AIF1L: variants seen among roughly 807,000 people sequenced by gnomAD.
AIF1L encodes the protein allograft inflammatory factor 1-like.
AIF1L carries 12 observed loss-of-function variants against 20.7 expected under a neutral mutation model. That is an observed-to-expected ratio of 0.58 (90% CI 0.37 to 0.94). The LOEUF (loss-of-function observed/expected upper bound fraction) is 0.94, where lower values mean the gene tolerates loss of function less well. Ranked by LOEUF, AIF1L falls within the 40% of genes least tolerant of loss-of-function variation. The probability of loss-of-function intolerance (pLI) is 0.01; values close to 1 mark genes in which losing one functional copy is unlikely to be tolerated. For missense variants in AIF1L, 173 were observed against 185.3 expected (o/e 0.93, Z 0.39); for synonymous variants, 76 against 65.1 (o/e 1.17, Z -0.81).
chr9:131,107,371 G>A (rs1429730513), intron 2 of AIF1L, among the ~76,000 whole-genome samples: 1 of 152,188 alleles, frequency 6.6e-6, no homozygotes, highest in Non-Finnish European at 1.5e-5. Context: ...CACCTACAGA[G>A]TGGCCCAAGT....
At chr9:131,096,913 C>T in intron 2 of AIF1L, 50 bp downstream of exon 2, 5 of 1,483,692 alleles carry the variant, frequency 3.4e-6, no homozygotes, top group Non-Finnish European at 3.6e-6. Context: ...GCGCGCTGCG[C>T]GGGTGCCACC....
At chr9:131,114,753 C>A (rs1830971650) in intron 4 of AIF1L, 135 bp downstream of exon 4, 2 of 1,134,820 alleles carry the variant, frequency 1.8e-6, no homozygotes, top group Non-Finnish European at 2.6e-6. Context: ...CAGCCCCAGC[C>A]CCTTGCCTTC....
intron 2 of AIF1L, among the ~76,000 whole-genome samples, chr9:131,104,664 G>T (rs1830705758): frequency 6.6e-6 from 1 of 152,196 alleles, no homozygotes. Context: ...AATAGTCTGT[G>T]AGGGTCTATG....
intron 4 of AIF1L, among the ~76,000 whole-genome samples, chr9:131,117,351 C>T (rs1044149769): frequency 6.6e-6 from 1 of 152,104 alleles, no homozygotes; most frequent in African/African-American, 2.4e-5. Context: ...ACCCAGCCCA[C>T]CCTAACTGCA....
chr9:131,121,315 T>C lies in AIF1L; in HGVS notation c.*993T>C, dbSNP rs1456512789. On this transcript the variant is annotated 3_prime_UTR_variant, in exon 6 of 6. Coordinates refer to ENST00000247291, the MANE Select transcript of AIF1L (RefSeq NM_031426.4). ...GACTCACTCATTCACCAGATATTTA[T>C]TGACCTGCTATTATAAGCTTTACAT... is the stretch of plus-strand genomic sequence containing the variant. The C allele has an allele frequency of 1.4e-5, 8 of 570,778 alleles. No homozygotes were observed. The highest frequency in any genetic ancestry group is 7.5e-5 in the African/African-American group (4 of 53,614). The allele number at this position is 570,778 out of a possible 1,614,324, so 35.4% of individuals were successfully genotyped here.
chr9:131,114,489 C>T lies in AIF1L; in HGVS notation c.161-88C>T, dbSNP rs539373272. The T allele has an allele frequency of 3.5e-4, 511 of 1,467,180 alleles. 4 individuals carry two copies. In the South Asian group the frequency reaches 4.9e-3, roughly 14 times the overall value. 90.9% of individuals were successfully genotyped at this position (1,467,180 alleles called of 1,614,324 possible). A position where few individuals can be genotyped will look rare whatever the true frequency, so the allele number is the denominator to read the frequency against. ...GAGGTGGTTCAGACTCCTGAGGACA[C>T]GGTCATTTGCCCACAAGGGAGCCAC... is the stretch of plus-strand genomic sequence containing the variant. On this transcript the variant is annotated intron_variant, in intron 3 of 5. Coordinates refer to ENST00000247291, the MANE Select transcript of AIF1L (RefSeq NM_031426.4).
At chr9:131,115,955 C>A (rs983094232) in intron 4 of AIF1L, among the ~76,000 whole-genome samples, 105 of 132,492 alleles carry the variant, frequency 7.9e-4, no homozygotes, top group Non-Finnish European at 1.5e-3. Flanking sequence ...GCCTAGGGGA[C>A]AAGAGCAAGA....
chr9:131,118,056 T>C, intron 5 of AIF1L, 138 bp downstream of exon 5: 1 of 868,632 alleles, frequency 1.2e-6, no homozygotes, highest in East Asian at 2.7e-5. Flanking sequence ...GGTACTTACT[T>C]CTCCTGATCC....
Position 131,097,219 on chromosome 9 carries a change from C to T in AIF1L, c.93+356C>T, listed in dbSNP as rs567560918. ...AAGGGCCCTAGGCCAGTGATCTCTC[C>T]AGCTCAGAACACAGGCTCCGGGTCA... On this transcript the variant is annotated intron_variant, in intron 2 of 5. Transcript: ENST00000247291. 5.3e-5 allele frequency among the ~76,000 whole-genome samples: 8 copies of T among 152,344 alleles called. No homozygotes were observed. The South Asian group carries it at 1.2e-3, about 24-fold the overall frequency.
chr9:131,106,170 T>A, intron 2 of AIF1L: 1 of 1,530,512 alleles, frequency 6.5e-7, no homozygotes, highest in Non-Finnish European at 8.7e-7. Context: ...TGCCTCCTGA[T>A]ACCCACTTCC....
At position 131,120,329 on chromosome 9, in the gene AIF1L, C is replaced by T. The variant is rs757238400; in HGVS notation, c.*7C>T. ...CATTGCTAGCCTGCCCTGAGGACCC[C>T]GCCTGGACTCCCCAGCCTTCCCACC... On this transcript the variant is annotated 3_prime_UTR_variant, in exon 6 of 6. Coordinates refer to ENST00000247291, the MANE Select transcript of AIF1L (RefSeq NM_031426.4). 1.1e-5 allele frequency: 17 copies of T among 1,605,716 alleles called. No individual in the cohort carries two copies. The highest frequency in any genetic ancestry group is 8.6e-5 in the Admixed American group (5 of 58,086).
intron 2 of AIF1L, 73 bp from the exon 3 acceptor site, chr9:131,111,524 C>A: frequency 7.1e-7 from 1 of 1,415,954 alleles, no homozygotes; most frequent in South Asian, 1.2e-5. Flanking sequence ...GGAAGGCCCC[C>A]GGACAGTGGG....
chr9:131,096,795 C>G lies in AIF1L; in HGVS notation c.32-7C>G, dbSNP rs1348427740. On this transcript the variant is annotated splice_region_variant and splice_polypyrimidine_tract_variant and intron_variant, in intron 1 of 5. Transcript: ENST00000247291. Reference sequence around the variant, plus strand: ...CGCTTCCCAGGCCGCCTCTTTGTCTCCTCCAGGAGGGAAGGCGTTCGGCTT... The same window carrying G: ...CGCTTCCCAGGCCGCCTCTTTGTCTGCTCCAGGAGGGAAGGCGTTCGGCTT... 6.5e-7 allele frequency: 1 copy of G among 1,530,310 alleles called. No individual in the cohort carries two copies. Among genetic ancestry groups the G allele is most frequent in the Non-Finnish European group, 8.8e-7 (1 of 1,140,556 alleles). 94.8% of individuals were successfully genotyped at this position (1,530,310 alleles called of 1,614,324 possible).
chr9:131,110,262 A>G (rs1330812541), intron 2 of AIF1L, among the ~76,000 whole-genome samples: 2 of 152,080 alleles, frequency 1.3e-5, no homozygotes, highest in Non-Finnish European at 2.9e-5. Context: ...AGATGTGAAG[A>G]GATCACATAG....
chr9:131,115,953 G>A (rs1284665557), intron 4 of AIF1L, among the ~76,000 whole-genome samples: 2 of 144,606 alleles, frequency 1.4e-5, no homozygotes, highest in Non-Finnish European at 3.0e-5. Flanking sequence ...CAGCCTAGGG[G>A]ACAAGAGCAA....
chr9:131,101,114 T>G (rs1325794745), intron 2 of AIF1L, among the ~76,000 whole-genome samples: 2 of 151,894 alleles, frequency 1.3e-5, no homozygotes, highest in Non-Finnish European at 2.9e-5. Context: ...GTCAGGCTGG[T>G]CTCAAACCCC....
In AIF1L at chr9:131,105,818, G is replaced by C. The variant is rs566233122; in HGVS notation, c.94-5779G>C. Among the ~76,000 whole-genome samples, 737 of 126,654 alleles carry C rather than the reference G, an allele frequency of 5.8e-3. 1 individual carries two copies. Among genetic ancestry groups the C allele is most frequent in the Admixed American group, 0.01 (109 of 10,706 alleles). The allele number at this position is 126,654 out of a possible 152,430, so 83.1% of individuals were successfully genotyped here. A position where few individuals can be genotyped will look rare whatever the true frequency, so the allele number is the denominator to read the frequency against. ...TGTCCATTCATTCAATGGATGTTTT[G>C]TTGTTGTTGTTGTTGCTTTTTTTTT... On this transcript the variant is annotated intron_variant, in intron 2 of 5. Coordinates refer to ENST00000247291, the MANE Select transcript of AIF1L (RefSeq NM_031426.4).
intron 2 of AIF1L, among the ~76,000 whole-genome samples, chr9:131,107,456 C>G (rs1830778402): frequency 6.6e-6 from 1 of 152,238 alleles, no homozygotes; most frequent in Non-Finnish European, 1.5e-5. Context: ...GGGGCTGGGA[C>G]AGCCCCTCCA....
At chr9:131,116,138 T>A (rs1277165310) in intron 4 of AIF1L, among the ~76,000 whole-genome samples, 4 of 152,166 alleles carry the variant, frequency 2.6e-5, no homozygotes, top group Non-Finnish European at 2.9e-5. Context: ...CCACTCTTTA[T>A]TCTAATCACA....
Sources: allele counts gnomAD v4.1 joint callset (sites outside exome capture counted in the v4.1 genomes callset), GRCh38; gene constraint gnomAD v4.1.1; transcripts MANE v1.5; gene names NCBI Gene and HGNC (gene_info 2026-07-23, HGNC 2026-07-21).